The following FAF1 variants were observed in gnomAD, a reference collection of about 807,000 sequenced individuals.
FAF1 encodes Fas associated factor 1, also known as FAS-associated factor 1.
In FAF1, 25 loss-of-function variants were observed where a neutral mutation model predicts 92.5. That is an observed-to-expected ratio of 0.27 (90% CI 0.20 to 0.38). The LOEUF (loss-of-function observed/expected upper bound fraction) is 0.38. FAF1 is among the 10% of genes least tolerant of loss of function. FAF1 has a pLI of 1.00. For synonymous variants in FAF1, 234 were observed against 273.2 expected, an observed-to-expected ratio of 0.86 and a Z score of 1.42; for missense variants, 636 against 793.3, an observed-to-expected ratio of 0.80 and a Z score of 2.38.
rs1211676234 is a variant in FAF1 at position 50,763,534 on chromosome 1, T to C, written c.368-18759A>G. 2.0e-5 allele frequency among the ~76,000 whole-genome samples: 3 copies of C among 152,266 alleles called. No homozygotes were observed. The East Asian group carries it at 5.8e-4, about 29-fold the overall frequency. ...CTCTCCTCTATTTTAGGGGCTCTAA[T>C]CAGACATACATTGTACCATTTTATA... On this transcript the variant is annotated intron_variant, in intron 4 of 18. Transcript: ENST00000396153.
chr1:50,867,743 T>C (rs544820241), intron 1 of FAF1, among the ~76,000 whole-genome samples: 2 of 152,278 alleles, frequency 1.3e-5, no homozygotes, highest in East Asian at 3.9e-4. Context: ...GAATGTAAAC[T>C]AGTACACCAC....
intron 2 of FAF1, among the ~76,000 whole-genome samples, chr1:50,836,053 G>A (rs1644198185): frequency 6.6e-6 from 1 of 151,876 alleles, no homozygotes; most frequent in Non-Finnish European, 1.5e-5. Flanking sequence ...TGTAAAGTGA[G>A]GAAAATACCA....
intron 1 of FAF1, among the ~76,000 whole-genome samples, chr1:50,938,263 G>C (rs1178043052): frequency 6.6e-6 from 1 of 152,176 alleles, no homozygotes; most frequent in Non-Finnish European, 1.5e-5. Flanking sequence ...AATAGCAACT[G>C]CAAGACAGAC....
intron 2 of FAF1, among the ~76,000 whole-genome samples, chr1:50,826,877 C>T (rs1644103252): frequency 6.6e-6 from 1 of 151,972 alleles, no homozygotes; most frequent in Admixed American, 6.5e-5. Flanking sequence ...TTCCAGACAC[C>T]GTCTGGGAAG....
rs369870162 is a variant in FAF1, at chr1:50,490,270, G to A, written c.1653+318C>T. Among the ~76,000 whole-genome samples, 26 of 152,216 alleles carry A rather than the reference G, an allele frequency of 1.7e-4. No homozygotes were observed. In the South Asian group the frequency reaches 4.4e-3, roughly 26 times the overall value. The stretch of plus-strand genomic sequence containing the variant: ...AGCTACTTGGGAGGCTGAGGCAGGA[G>A]AATCACTTGAACCTGGGAGGTGGAG... On this transcript the variant is annotated intron_variant, in intron 17 of 18. Transcript: ENST00000396153.
chr1:50,889,961 G>T (rs559443192), intron 1 of FAF1, among the ~76,000 whole-genome samples: 25 of 152,290 alleles, frequency 1.6e-4, no homozygotes, highest in African/African-American at 6.0e-4. Context: ...TGTTGACAGT[G>T]GGGTGTTAAA....
At chr1:50,759,053 A>G (rs1209185512) in intron 4 of FAF1, among the ~76,000 whole-genome samples, 1 of 152,072 alleles carries the variant, frequency 6.6e-6, no homozygotes, top group Non-Finnish European at 1.5e-5. Context: ...TGTGTTAGCC[A>G]GGATGGTCTC....
intron 6 of FAF1, among the ~76,000 whole-genome samples, chr1:50,727,711 G>C (rs887512113): frequency 5.9e-5 from 9 of 152,184 alleles, no homozygotes; most frequent in Admixed American, 5.2e-4. Context: ...ATTAACATTT[G>C]AGTCAGTGGA....
chr1:50,548,071 C>A (rs565774840), intron 13 of FAF1, among the ~76,000 whole-genome samples: 1 of 152,124 alleles, frequency 6.6e-6, no homozygotes, highest in Non-Finnish European at 1.5e-5. Context: ...CTTTCCAGGG[C>A]CTGAATAAGA....
intron 13 of FAF1, among the ~76,000 whole-genome samples, chr1:50,552,592 T>C (rs1649364681): frequency 6.6e-6 from 1 of 152,168 alleles, no homozygotes; most frequent in Non-Finnish European, 1.5e-5. Context: ...TAATGGCTTA[T>C]TATGGAAAGT....
chr1:50,529,647 T>C (rs544617007), intron 15 of FAF1, among the ~76,000 whole-genome samples: 82 of 152,290 alleles, frequency 5.4e-4, no homozygotes, highest in African/African-American at 1.9e-3. Flanking sequence ...ATAGCTGTTA[T>C]TATCTACATT....
intron 4 of FAF1, among the ~76,000 whole-genome samples, chr1:50,773,343 G>A (rs1285834696): frequency 3.9e-5 from 6 of 152,184 alleles, no homozygotes; most frequent in Non-Finnish European, 7.4e-5. Context: ...TGCAGCCAAA[G>A]TAATTAAAAT....
At position 50,475,525 on chromosome 1, in the gene FAF1, A is replaced by G; in HGVS notation, c.1808T>C (p.Val603Ala). Residue 603 changes from valine to alanine, a missense_variant, in exon 18 of 19, where the codon GTA becomes GCA. By Grantham distance (64) the Val-to-Ala change is moderately conservative. This residue lies in a region of FAF1 where 319 missense variants were observed against 451.0 expected (regional missense o/e 0.71). Coordinates refer to ENST00000396153, the MANE Select transcript of FAF1 (RefSeq NM_007051.3). ...ATCCCATGGAAATCCTTTGGAAGCT[A>G]CAAAATCAAAGACAATCTGGAGCTT... ...SNKLQIVFDFVASKGFPWDEY... is the reference protein window; with the variant it reads ...SNKLQIVFDFAASKGFPWDEY... 1.2e-6 allele frequency: 2 copies of G among 1,614,156 alleles called. No individual in the cohort carries two copies. The highest frequency in any genetic ancestry group is 1.7e-6 in the Non-Finnish European group (2 of 1,179,992).
chr1:50,689,245 T>C (rs570916815), intron 7 of FAF1, among the ~76,000 whole-genome samples: 146 of 152,284 alleles, frequency 9.6e-4, no homozygotes, highest in African/African-American at 3.4e-3. Context: ...AAAGTAACCA[T>C]CTGACATAGC....
At chr1:50,823,261 G>A (rs556501869) in intron 2 of FAF1, among the ~76,000 whole-genome samples, 1 of 152,264 alleles carries the variant, frequency 6.6e-6, no homozygotes, top group East Asian at 1.9e-4. Flanking sequence ...TGAGGTTGTT[G>A]TACATTTAAA....
intron 12 of FAF1, among the ~76,000 whole-genome samples, chr1:50,576,359 G>T (rs538314692): frequency 6.6e-6 from 1 of 152,244 alleles, no homozygotes. Context: ...ATAATATTTG[G>T]AAAAAGCACT....
At chr1:50,503,395 A>T (rs1221248081) in intron 15 of FAF1, among the ~76,000 whole-genome samples, 1 of 152,054 alleles carries the variant, frequency 6.6e-6, no homozygotes, top group Admixed American at 6.6e-5. Context: ...CAAAGGTAGA[A>T]TTGCTTGAGG....
intron 13 of FAF1, among the ~76,000 whole-genome samples, chr1:50,554,532 C>G (rs905367400): frequency 2.0e-5 from 3 of 151,790 alleles, no homozygotes; most frequent in African/African-American, 7.3e-5. Context: ...GTACTATAGT[C>G]TTGCTCTTAG....
chr1:50,931,888 AAATAATAATAATAATAAT>A (rs201964842), intron 1 of FAF1, among the ~76,000 whole-genome samples: 2 of 129,502 alleles, frequency 1.5e-5, no homozygotes, highest in African/African-American at 5.9e-5. Flanking sequence ...ATAAATAAAT[AAATAATAATAATAATAAT>A]AATAATAATA....
Sources: allele counts gnomAD v4.1 joint callset (sites outside exome capture counted in the v4.1 genomes callset), GRCh38; gene constraint gnomAD v4.1.1; regional missense constraint gnomAD v4.1.1; transcripts MANE v1.5; gene names NCBI Gene and HGNC (gene_info 2026-07-23, HGNC 2026-07-21).